PAFAH1B1: variants seen among roughly 807,000 people sequenced by gnomAD.
PAFAH1B1 encodes platelet-activating factor acetylhydrolase IB subunit beta.
Under a neutral mutation model 57.5 loss-of-function variants are expected in PAFAH1B1, and 2 were observed. The observed-to-expected ratio is 0.03, with a 90% CI of 0.01 to 0.11. PAFAH1B1 has a LOEUF of 0.11. PAFAH1B1 is among the 10% of genes least tolerant of loss of function. PAFAH1B1 has a pLI of 1.00. For synonymous variants in PAFAH1B1, 152 were observed against 169.6 expected (o/e 0.90, Z 0.81); for missense variants, 257 against 512.0 (o/e 0.50, Z 4.81).
At chr17:2,658,640 G>A (rs2068971352) in intron 2 of PAFAH1B1, among the ~76,000 whole-genome samples, 1 of 151,316 alleles carries the variant, frequency 6.6e-6, no homozygotes. Context: ...TTTGCTTGAT[G>A]GGGAAGATAA....
intron 2 of PAFAH1B1, chr17:2,640,129 G>T (rs1387421528): frequency 1.3e-5 from 2 of 152,074 alleles, no homozygotes; most frequent in African/African-American, 4.8e-5. Flanking sequence ...ATATATCAAA[G>T]AAATACCTTT....
chr17:2,603,984 C>T (rs527794273), intron 1 of PAFAH1B1, among the ~76,000 whole-genome samples: 9 of 152,254 alleles, frequency 5.9e-5, no homozygotes, highest in Non-Finnish European at 1.0e-4. Context: ...GATCCTCCCA[C>T]CTTGGCCTCC....
At position 2,652,369 on chromosome 17, in the gene PAFAH1B1, C is replaced by G. The variant is rs543220961; in HGVS notation, c.33-13003C>G. Among the ~76,000 whole-genome samples, 21 of 152,282 alleles carry G rather than the reference C, an allele frequency of 1.4e-4. No homozygotes were observed. In the South Asian group the frequency reaches 3.3e-3, roughly 24 times the overall value. ...GGCGGAGCTTGCAGTGAGCCAAGAT[C>G]GCGCCACTGCACTCCAGCCTGGGCG... On this transcript the variant is annotated intron_variant, in intron 2 of 10. Transcript: ENST00000397195.
chr17:2,596,177 T>C (rs2068082512), intron 1 of PAFAH1B1, among the ~76,000 whole-genome samples: 1 of 152,192 alleles, frequency 6.6e-6, no homozygotes, highest in South Asian at 2.1e-4. Context: ...TCCCTGTGTG[T>C]GTGTGTGTAT....
intron 2 of PAFAH1B1, among the ~76,000 whole-genome samples, chr17:2,663,623 C>T (rs1445803055): frequency 1.3e-5 from 2 of 151,506 alleles, no homozygotes; most frequent in African/African-American, 2.4e-5. Flanking sequence ...GTTAAAGGTT[C>T]TACATTAACT....
Position 2,633,889 on chromosome 17 carries a change from G to A in PAFAH1B1, c.-190-4210G>A, listed in dbSNP as rs140830773. On this transcript the variant is annotated intron_variant, in intron 1 of 10. Coordinates refer to ENST00000397195, the MANE Select transcript of PAFAH1B1 (RefSeq NM_000430.4). ...CTCTTTTTAATATAGGTGTTGCTCT[G>A]CACAGTCTCCATGGGTAATCTTACC... Among the ~76,000 whole-genome samples, 250 of 150,882 alleles carry A rather than the reference G, an allele frequency of 1.7e-3. 1 individual carries two copies. The highest frequency in any genetic ancestry group is 5.6e-3 in the African/African-American group (232 of 41,064).
chr17:2,672,838 G>C lies in PAFAH1B1; in HGVS notation c.671+81G>C, dbSNP rs1329732973. On this transcript the variant is annotated intron_variant, in intron 7 of 10. Coordinates refer to ENST00000397195, the MANE Select transcript of PAFAH1B1 (RefSeq NM_000430.4). ...TCATCCCAGCGCTTTGGGAGGCCAA[G>C]GTGGGCAGATCACCTGGTCAGGAAT... 4 of 845,050 alleles carry C rather than the reference G, an allele frequency of 4.7e-6. No homozygotes were observed. The African/African-American group carries it at 6.7e-5, about 14-fold the overall frequency. The allele number at this position is 845,050 out of a possible 1,614,324, so 52.3% of individuals were successfully genotyped here. A position where few individuals can be genotyped will look rare whatever the true frequency, so the allele number is the denominator to read the frequency against.
chr17:2,669,110 T>A (rs2069146221), intron 5 of PAFAH1B1, among the ~76,000 whole-genome samples: 2 of 152,196 alleles, frequency 1.3e-5, no homozygotes, highest in Admixed American at 1.3e-4. Context: ...TAATAGAGTA[T>A]ATGAAGGCTT....
At chr17:2,655,857 G>A (rs1199832197) in intron 2 of PAFAH1B1, among the ~76,000 whole-genome samples, 2 of 152,154 alleles carry the variant, frequency 1.3e-5, no homozygotes, top group Non-Finnish European at 2.9e-5. Flanking sequence ...TATATGCTGA[G>A]TAGCTTCTAT....
intron 1 of PAFAH1B1, among the ~76,000 whole-genome samples, chr17:2,613,055 AAAAAAG>A (rs1241767460): frequency 6.6e-6 from 1 of 151,968 alleles, no homozygotes; most frequent in Non-Finnish European, 1.5e-5. Flanking sequence ...AAAAAAAAAA[AAAAAAG>A]GTGAAATTCA....
At chr17:2,680,909 GTAAATGGA>G (rs2069374036) in intron 10 of PAFAH1B1, 1 of 174,316 alleles carries the variant, frequency 5.7e-6, no homozygotes, top group African/African-American at 2.4e-5. Flanking sequence ...ATCGTGTTCA[GTAAATGGA>G]TATGGCGAGA....
rs531850947 is a variant in PAFAH1B1 at position 2,635,126 on chromosome 17, G to A, written c.-190-2973G>A. ...TGCAGTGAGCTGAGATTGTGCCAGT[G>A]CCCTCCTGGGCAACAAGAGTGAAAC... On this transcript the variant is annotated intron_variant, in intron 1 of 10. Transcript: ENST00000397195. 3.3e-5 allele frequency among the ~76,000 whole-genome samples: 5 copies of A among 149,734 alleles called. No homozygotes were observed. In the East Asian group the frequency reaches 9.8e-4, roughly 29 times the overall value.
chr17:2,613,042 TAAAAA>T (rs34932981), intron 1 of PAFAH1B1, among the ~76,000 whole-genome samples: 16 of 132,370 alleles, frequency 1.2e-4, no homozygotes, highest in Non-Finnish European at 2.3e-4. Context: ...TAATAATTTG[TAAAAA>T]AAAAAAAAAA....
intron 1 of PAFAH1B1, among the ~76,000 whole-genome samples, chr17:2,599,099 C>G (rs2068113076): frequency 6.6e-6 from 1 of 152,170 alleles, no homozygotes; most frequent in Non-Finnish European, 1.5e-5. Flanking sequence ...GAATGGTACT[C>G]TCTATTGTCT....
At position 2,684,419 on chromosome 17, in the gene PAFAH1B1, A is replaced by G. The variant is rs1236264890; in HGVS notation, c.*2617A>G. On this transcript the variant is annotated 3_prime_UTR_variant, in exon 11 of 11. Transcript: ENST00000397195. ...GATTGTAAGTAGAGGACTTTTATTA[A>G]TTGGTTTAGAGGTTCACTGCTGCTT... is the stretch of plus-strand genomic sequence containing the variant. The G allele has an allele frequency of 6.6e-6, 1 of 152,576 alleles. No homozygotes were observed. The highest frequency in any genetic ancestry group is 2.4e-5 in the African/African-American group (1 of 41,402). 9.5% of individuals were successfully genotyped at this position (152,576 alleles called of 1,614,324 possible). A position where few individuals can be genotyped will look rare whatever the true frequency, so the allele number is the denominator to read the frequency against.
intron 1 of PAFAH1B1, among the ~76,000 whole-genome samples, chr17:2,594,927 A>G (rs1205123144): frequency 1.3e-5 from 2 of 152,114 alleles, no homozygotes; most frequent in Admixed American, 1.3e-4. Flanking sequence ...AGTAGAGGGG[A>G]AGAGGTTTTC....
chr17:2,676,656 CT>C (rs749401130), intron 9 of PAFAH1B1, 50 bp downstream of exon 9: 1 of 1,042,798 alleles, frequency 9.6e-7, no homozygotes, highest in East Asian at 2.4e-5. Context: ...CTGTTTATAC[CT>C]TTTTGGATTA....
At chr17:2,677,344 AGAAAGAT>A (rs1203725223) in intron 9 of PAFAH1B1, among the ~76,000 whole-genome samples, 1 of 152,214 alleles carries the variant, frequency 6.6e-6, no homozygotes, top group Non-Finnish European at 1.5e-5. Context: ...GTATTTCCAT[AGAAAGAT>A]ATGTCAATAC....
chr17:2,625,298 G>T (rs1240045261), intron 1 of PAFAH1B1, among the ~76,000 whole-genome samples: 1 of 152,134 alleles, frequency 6.6e-6, no homozygotes, highest in East Asian at 1.9e-4. Context: ...TGTCATATAT[G>T]CAAGTAGCTT....
Sources: allele counts gnomAD v4.1 joint callset (sites outside exome capture counted in the v4.1 genomes callset), GRCh38; gene constraint gnomAD v4.1.1; transcripts MANE v1.5; gene names NCBI Gene and HGNC (gene_info 2026-07-23, HGNC 2026-07-21).